ZFHX4: variants seen among roughly 807,000 people sequenced by gnomAD.
ZFHX4 encodes zinc finger homeobox protein 4.
Under a neutral mutation model 267.6 loss-of-function variants are expected in ZFHX4, and 56 were observed. The observed-to-expected ratio is 0.21, with a 90% CI of 0.17 to 0.26. The LOEUF (loss-of-function observed/expected upper bound fraction) is 0.26. Among genes scored for constraint, ZFHX4 ranks in the 10% least tolerant of loss-of-function variants. The pLI is 1.00. For missense variants in ZFHX4, 4,332 were observed against 4,420.0 expected (o/e 0.98, Z 0.56); for synonymous variants, 1,778 against 1,665.6 (o/e 1.07, Z -1.64).
chr8:76,745,086 G>A (rs983683557), intron 3 of ZFHX4, among the ~76,000 whole-genome samples: 1 of 152,134 alleles, frequency 6.6e-6, no homozygotes, highest in Admixed American at 6.5e-5. Flanking sequence ...AGCCTGAAAT[G>A]TTCTTTCCTC....
At chr8:76,835,523 T>C (rs527302268) in intron 5 of ZFHX4, among the ~76,000 whole-genome samples, 2 of 152,014 alleles carry the variant, frequency 1.3e-5, no homozygotes, top group South Asian at 4.2e-4. Flanking sequence ...ATTTTGCAAG[T>C]GAAAACATCC....
intron 3 of ZFHX4, among the ~76,000 whole-genome samples, chr8:76,719,694 C>A (rs1808669545): frequency 6.6e-6 from 1 of 152,120 alleles, no homozygotes; most frequent in African/African-American, 2.4e-5. Flanking sequence ...ATAGATACCA[C>A]AAGATTCTTA....
intron 3 of ZFHX4, among the ~76,000 whole-genome samples, chr8:76,773,135 G>A (rs1305194153): frequency 6.6e-6 from 1 of 152,100 alleles, no homozygotes; most frequent in Non-Finnish European, 1.5e-5. Context: ...TTGTGAAATC[G>A]AGGAAGGATT....
At chr8:76,715,373 T>C (rs1808538000) in intron 3 of ZFHX4, among the ~76,000 whole-genome samples, 1 of 149,910 alleles carries the variant, frequency 6.7e-6, no homozygotes, top group African/African-American at 2.5e-5. Flanking sequence ...TCCCAGCTAC[T>C]CGGGAGGCTG....
rs1311146618 is a variant in ZFHX4, at chr8:76,855,950, C to T, written c.9029C>T (p.Thr3010Ile). 2 of 1,613,900 alleles carry T rather than the reference C, an allele frequency of 1.2e-6. No individual in the cohort carries two copies. Among genetic ancestry groups the T allele is most frequent in the Admixed American group, 3.3e-5 (2 of 60,024 alleles). The change falls in exon 10 of 11, where the codon ACC (threonine) becomes ATC (isoleucine). Residue 3010 changes from threonine (T) to isoleucine (I), a missense_variant. Coordinates refer to ENST00000651372, the MANE Select transcript of ZFHX4 (RefSeq NM_024721.5). The part of the protein sequence containing the change: ...GGTEGTKPEC[T>I]LCGVKYSARL... ...ACGGAAGGCACCAAACCAGAGTGTA[C>T]CCTCTGCGGGGTGAAGTACTCTGCC...
chr8:76,817,838 T>C (rs1483690236), intron 4 of ZFHX4, among the ~76,000 whole-genome samples: 3 of 152,170 alleles, frequency 2.0e-5, no homozygotes, highest in Non-Finnish European at 2.9e-5. Flanking sequence ...ACTTGATGAA[T>C]TAATTGGAAT....
rs141343700 is a variant in ZFHX4 at position 76,815,803 on chromosome 8, C to T, written c.3326-17535C>T. 3.3e-3 allele frequency among the ~76,000 whole-genome samples: 509 copies of T among 152,206 alleles called. 5 individuals are homozygous for T. The highest frequency in any genetic ancestry group is 0.027 in the East Asian group (137 of 5,152). On this transcript the variant is annotated intron_variant, in intron 4 of 10. Transcript: ENST00000651372. Reference sequence around the variant, plus strand: ...GGCTTGAACCACTGCATCTGGCCTGCAATTTCTTTCATAAAGACACTAAAC... The same window carrying T: ...GGCTTGAACCACTGCATCTGGCCTGTAATTTCTTTCATAAAGACACTAAAC...
intron 1 of ZFHX4, among the ~76,000 whole-genome samples, chr8:76,695,400 G>C (rs769264794): frequency 3.2e-4 from 49 of 152,148 alleles, no homozygotes; most frequent in Non-Finnish European, 6.2e-4. Context: ...TTTTCAGAAA[G>C]ATAATATTGG....
chr8:76,839,808 C>T (rs962224876), intron 5 of ZFHX4, among the ~76,000 whole-genome samples: 1 of 152,098 alleles, frequency 6.6e-6, no homozygotes, highest in Non-Finnish European at 1.5e-5. Context: ...TATTTTACAA[C>T]TGAGGATACG....
chr8:76,740,798 C>T (rs952386273), intron 3 of ZFHX4, among the ~76,000 whole-genome samples: 14 of 151,864 alleles, frequency 9.2e-5, no homozygotes, highest in Non-Finnish European at 1.9e-4. Context: ...GCAGTTGTGC[C>T]AGAAATAGAT....
chr8:76,850,081 T>C, intron 8 of ZFHX4, 164 bp from the exon 9 acceptor site: 1 of 609,968 alleles, frequency 1.6e-6, no homozygotes, highest in Non-Finnish European at 2.9e-6. Flanking sequence ...ACAGCATTGA[T>C]CTAAAGTGGC....
At chr8:76,862,448 GA>G (rs1812895969) in intron 10 of ZFHX4, among the ~76,000 whole-genome samples, 1 of 152,186 alleles carries the variant, frequency 6.6e-6, no homozygotes, top group African/African-American at 2.4e-5. Context: ...TCCTAAAAAT[GA>G]AATCCTGGCT....
intron 4 of ZFHX4, among the ~76,000 whole-genome samples, chr8:76,831,690 A>G (rs889509415): frequency 2.0e-5 from 3 of 152,202 alleles, no homozygotes; most frequent in East Asian, 1.9e-4. Context: ...ACACATCATG[A>G]TAAGTGCTGA....
At chr8:76,796,479 A>G (rs1810982785) in intron 4 of ZFHX4, among the ~76,000 whole-genome samples, 1 of 152,212 alleles carries the variant, frequency 6.6e-6, no homozygotes, top group South Asian at 2.1e-4. Context: ...TTAAGAATCA[A>G]GACTTATCTT....
chr8:76,721,450 C>G (rs1020588843), intron 3 of ZFHX4, among the ~76,000 whole-genome samples: 3 of 152,124 alleles, frequency 2.0e-5, no homozygotes, highest in Non-Finnish European at 2.9e-5. Context: ...ATGAGACAGA[C>G]ACAAAGGGAA....
intron 2 of ZFHX4, 82 bp downstream of exon 2, chr8:76,706,760 G>A: frequency 2.1e-6 from 3 of 1,397,462 alleles, no homozygotes; most frequent in Non-Finnish European, 1.9e-6. Flanking sequence ...ATAAAATGGT[G>A]AGTGCCAACA....
Position 76,851,095 on chromosome 8 carries a change from C to T in ZFHX4, c.4174C>T (p.Arg1392Cys), listed in dbSNP as rs768206311. The change falls in exon 10 of 11, where the codon CGT becomes TGT. Residue 1392 changes from arginine to cysteine, a missense_variant. This residue lies in a region of ZFHX4 where 1,371 missense variants were observed against 1,423.1 expected (regional missense o/e 0.96). Transcript: ENST00000651372. The part of the protein sequence containing the change: ...QKRQPLSVSD[R>C]HVYKYRCNHC... The stretch of plus-strand genomic sequence containing the variant: ...AAGGCAACCGCTCTCTGTTTCTGAC[C>T]GTCATGTCTACAAGTATCGCTGTAA... The T allele has an allele frequency of 1.4e-5, 23 of 1,613,962 alleles. No homozygotes were observed. The highest frequency in any genetic ancestry group is 1.3e-4 in the African/African-American group (10 of 75,034).
At chr8:76,700,640 A>ATT (rs1808079206) in intron 1 of ZFHX4, among the ~76,000 whole-genome samples, 1 of 152,192 alleles carries the variant, frequency 6.6e-6, no homozygotes, top group African/African-American at 2.4e-5. Context: ...TTTTCTGCAT[A>ATT]TTGTCCATTA....
Position 76,865,493 on chromosome 8 carries a change from A to C in ZFHX4, c.*928A>C, listed in dbSNP as rs1813003025. 1 of 152,538 alleles carries C rather than the reference A, an allele frequency of 6.6e-6. No homozygotes were observed. Among genetic ancestry groups the C allele is most frequent in the African/African-American group, 2.4e-5 (1 of 41,444 alleles). 9.4% of individuals were successfully genotyped at this position (152,538 alleles called of 1,614,324 possible). A position where few individuals can be genotyped will look rare whatever the true frequency, so the allele number is the denominator to read the frequency against. ...TTTGTAGACCATGTGAAATTTAATAAGATACCTTTTTTTTCCTTTCTTTGT... is the reference window on the plus strand; with the variant it reads ...TTTGTAGACCATGTGAAATTTAATACGATACCTTTTTTTTCCTTTCTTTGT... On this transcript the variant is annotated 3_prime_UTR_variant, in exon 11 of 11. Coordinates refer to ENST00000651372, the MANE Select transcript of ZFHX4 (RefSeq NM_024721.5).
Sources: allele counts gnomAD v4.1 joint callset (sites outside exome capture counted in the v4.1 genomes callset), GRCh38; gene constraint gnomAD v4.1.1; regional missense constraint gnomAD v4.1.1; transcripts MANE v1.5; gene names NCBI Gene and HGNC (gene_info 2026-07-23, HGNC 2026-07-21).